Variants in EPM2AIP1 observed in about 807,000 individuals in gnomAD.
EPM2AIP1 encodes the protein EPM2A-interacting protein 1.
In EPM2AIP1, 23 loss-of-function variants were observed where a neutral mutation model predicts 44.8. The ratio of observed to expected loss-of-function variants is 0.51; its 90% CI spans 0.37 to 0.73. EPM2AIP1 has a LOEUF of 0.73. Among genes scored for constraint, EPM2AIP1 ranks in the 30% least tolerant of loss-of-function variants. The pLI is 0.00. For synonymous variants in EPM2AIP1, 311 were observed against 284.3 expected (o/e 1.09, Z -0.94); for missense variants, 652 against 743.9 (o/e 0.88, Z 1.44).
Position 36,992,159 on chromosome 3 carries a change from A to G in EPM2AIP1, c.919T>C (p.Leu307=). 1 of 1,614,068 alleles carries G rather than the reference A, an allele frequency of 6.2e-7. No homozygotes were observed. Among genetic ancestry groups the G allele is most frequent in the Non-Finnish European group, 8.5e-7 (1 of 1,179,900 alleles). The change falls in exon 1 of 1, where the codon TTG becomes CTG. Residue 307 remains leucine, a synonymous_variant. Coordinates refer to ENST00000322716, the MANE Select transcript of EPM2AIP1 (RefSeq NM_014805.4). The surrounding 1 kb of genome is among the most constrained non-coding windows in gnomAD (Gnocchi z 5.3). ...IINTISEWIV[L]IKTRGVRRPE... is the part of the protein sequence containing the mutation. ...CGCCTAACGCCTCTGGTCTTAATCA[A>G]AACTATCCATTCGGATATGGTATTT...
In EPM2AIP1 at chr3:36,989,195, G is replaced by A. The variant is rs1390860072; in HGVS notation, c.*2059C>T. 6.6e-6 allele frequency: 1 copy of A among 151,726 alleles called. No homozygotes were observed. Among genetic ancestry groups the A allele is most frequent in the Non-Finnish European group, 1.5e-5 (1 of 67,918 alleles). 9.4% of individuals were successfully genotyped at this position (151,726 alleles called of 1,614,324 possible). On this transcript the variant is annotated 3_prime_UTR_variant, in exon 1 of 1. Coordinates refer to ENST00000322716, the MANE Select transcript of EPM2AIP1 (RefSeq NM_014805.4). ...TTTAAGGAACTGGGGTTAGAAAGCA[G>A]AAGTGGCTTTCAGGTCTTCCAGTCT...
Position 36,991,501 on chromosome 3 carries a change from C to T in EPM2AIP1, c.1577G>A (p.Gly526Glu), listed in dbSNP as rs1447886089. The change falls in exon 1 of 1, where the codon GGG becomes GAG. Residue 526 changes from glycine to glutamate, a missense_variant. Physicochemically the swap from Gly to Glu is moderately conservative, Grantham distance 98 (BLOSUM62 -2). Coordinates refer to ENST00000322716, the MANE Select transcript of EPM2AIP1 (RefSeq NM_014805.4). ...LWNEYRIKDL[G>E]QFYAGLSAES... is the part of the protein sequence containing the mutation. ...AGCAGACAATCCAGCATAAAACTGC[C>T]CCAAGTCTTTGATTCTGTATTCATT... 1 of 1,613,824 alleles carries T rather than the reference C, an allele frequency of 6.2e-7. No homozygotes were observed. Among genetic ancestry groups the T allele is most frequent in the Admixed American group, 1.7e-5 (1 of 59,988 alleles).
chr3:36,987,715 C>T lies in EPM2AIP1; in HGVS notation c.*3539G>A, dbSNP rs1037562289. On this transcript the variant is annotated 3_prime_UTR_variant, in exon 1 of 1. Transcript: ENST00000322716. ...ACTACACTAAATTCTGAGAATACAACGAGGTCCCTAGTTACAAAGAACTTG... is the reference window on the plus strand; with the variant it reads ...ACTACACTAAATTCTGAGAATACAATGAGGTCCCTAGTTACAAAGAACTTG... 6.6e-5 allele frequency: 10 copies of T among 152,098 alleles called. No individual in the cohort carries two copies. Among genetic ancestry groups the T allele is most frequent in the African/African-American group, 1.9e-4 (8 of 41,416 alleles). 9.4% of individuals were successfully genotyped at this position (152,098 alleles called of 1,614,324 possible).
rs892016895 is a variant in EPM2AIP1 at position 36,988,254 on chromosome 3, G to C, written c.*3000C>G. On this transcript the variant is annotated 3_prime_UTR_variant, in exon 1 of 1. Transcript: ENST00000322716. ...AATAAAAAACAGGGAGACTAATAAGGAGGCTGTTGCTATAATTTAGGTAGG... is the reference window on the plus strand; with the variant it reads ...AATAAAAAACAGGGAGACTAATAAGCAGGCTGTTGCTATAATTTAGGTAGG... The C allele has an allele frequency of 6.6e-6, 1 of 152,206 alleles. No homozygotes were observed. Among genetic ancestry groups the C allele is most frequent in the African/African-American group, 2.4e-5 (1 of 41,448 alleles). The allele number at this position is 152,206 out of a possible 1,614,324, so 9.4% of individuals were successfully genotyped here.
In EPM2AIP1 at chr3:36,991,864, G is replaced by A; in HGVS notation, c.1214C>T (p.Ala405Val). The change falls in exon 1 of 1, where the codon GCT becomes GTT. Residue 405 changes from alanine (A) to valine (V), a missense_variant. By Grantham distance (64) the Ala-to-Val change is moderately conservative. Transcript: ENST00000322716. Reference protein sequence around the residue: ...SEELRVSKVFAAAAFDHICTF... With the variant: ...SEELRVSKVFVAAAFDHICTF... ...ACAAATATGGTCAAAGGCAGCAGCA[G>A]CAAAGACTTTACTAACTCGTAATTC... 1 of 1,613,882 alleles carries A rather than the reference G, an allele frequency of 6.2e-7. No homozygotes were observed. Among genetic ancestry groups the A allele is most frequent in the Non-Finnish European group, 8.5e-7 (1 of 1,179,870 alleles).
chr3:36,992,951 G>A lies in EPM2AIP1; in HGVS notation c.127C>T (p.Arg43Cys). 1 of 1,612,932 alleles carries A rather than the reference G, an allele frequency of 6.2e-7. No homozygotes were observed. The highest frequency in any genetic ancestry group is 8.5e-7 in the Non-Finnish European group (1 of 1,179,910). The change falls in exon 1 of 1, where the codon CGC (arginine) becomes TGC (cysteine). Residue 43 changes from arginine to cysteine, a missense_variant. Transcript: ENST00000322716. This position sits in a 1 kb window ranked among gnomAD's most constrained non-coding sequence, Gnocchi z 5.3. Reference sequence around the variant, plus strand: ...TCGCGGGTAGCTACGATGAGGCGGCGACAGACCAGGCACAGGGCCCCATCG... The same window carrying A: ...TCGCGGGTAGCTACGATGAGGCGGCAACAGACCAGGCACAGGGCCCCATCG... Reference protein sequence around the residue: ...EGDGALCLVCRRLIVATRERD... With the variant: ...EGDGALCLVCCRLIVATRERD...
Position 36,990,216 on chromosome 3 carries a change from TGTA to T in EPM2AIP1, c.*1035_*1037del, listed in dbSNP as rs1360434424. 1 of 158,726 alleles carries T rather than the reference TGTA, an allele frequency of 6.3e-6. No individual in the cohort carries two copies. Among genetic ancestry groups the T allele is most frequent in the African/African-American group, 2.4e-5 (1 of 41,558 alleles). The allele number at this position is 158,726 out of a possible 1,614,324, so 9.8% of individuals were successfully genotyped here. A position where few individuals can be genotyped will look rare whatever the true frequency, so the allele number is the denominator to read the frequency against. On this transcript the variant is annotated 3_prime_UTR_variant, in exon 1 of 1. Coordinates refer to ENST00000322716, the MANE Select transcript of EPM2AIP1 (RefSeq NM_014805.4). Reference sequence around the variant, plus strand: ...TGTGTGCTATCTTACATATAGAATGTGTACGACAGTTCCAAATTTTAGAATAAA... The same window carrying T: ...TGTGTGCTATCTTACATATAGAATGTCGACAGTTCCAAATTTTAGAATAAA...
At position 36,991,984 on chromosome 3, in the gene EPM2AIP1, A is replaced by G. The variant is rs2080817405; in HGVS notation, c.1094T>C (p.Val365Ala). ...RKEMEAFLVS[V>A]GATTVHFSDK... is the part of the protein sequence containing the mutation. Reference sequence around the variant, plus strand: ...TGAGAAGTGGACTGTTGTTGCCCCTACTGAAACCAAGAACGCTTCCATTTC... The same window carrying G: ...TGAGAAGTGGACTGTTGTTGCCCCTGCTGAAACCAAGAACGCTTCCATTTC... The change falls in exon 1 of 1, where the codon GTA (valine) becomes GCA (alanine). Residue 365 changes from valine to alanine, a missense_variant. Val to Ala is a moderately conservative substitution (Grantham distance 64). Coordinates refer to ENST00000322716, the MANE Select transcript of EPM2AIP1 (RefSeq NM_014805.4). The G allele has an allele frequency of 1.2e-6, 2 of 1,613,838 alleles. No individual in the cohort carries two copies. The highest frequency in any genetic ancestry group is 1.7e-5 in the Admixed American group (1 of 59,996).
In EPM2AIP1 at chr3:36,992,542, A is replaced by G; in HGVS notation, c.536T>C (p.Leu179Ser). ...ARDFKAYSLA[L>S]DDQAFVAYEN... ...ATAGGCCACAAAAGCCTGGTCGTCC[A>G]AGGCAAGAGAATAGGCTTTAAAGTC... is the stretch of plus-strand genomic sequence containing the variant. The change falls in exon 1 of 1, where the codon TTG (leucine) becomes TCG (serine). Residue 179 changes from leucine to serine, a missense_variant. Transcript: ENST00000322716. The surrounding 1 kb of genome is among the most constrained non-coding windows in gnomAD (Gnocchi z 5.3). 1 of 1,614,066 alleles carries G rather than the reference A, an allele frequency of 6.2e-7. No homozygotes were observed. Among genetic ancestry groups the G allele is most frequent in the Non-Finnish European group, 8.5e-7 (1 of 1,179,890 alleles).
chr3:36,992,842 T>A lies in EPM2AIP1; in HGVS notation c.236A>T (p.Glu79Val). The A allele has an allele frequency of 6.2e-7, 1 of 1,611,136 alleles. No individual in the cohort carries two copies. The highest frequency in any genetic ancestry group is 8.5e-7 in the Non-Finnish European group (1 of 1,179,476). ...VADGERAALVERLRQGDLPVA... is the reference protein window; with the variant it reads ...VADGERAALVVRLRQGDLPVA... ...GGGCAAGTCGCCCTGACGCAGACGC[T>A]CCACCAGGGCCGCGCGCTCGCCGTC... Residue 79 changes from glutamate (E) to valine (V), a missense_variant, in exon 1 of 1, where the codon GAG becomes GTG. Physicochemically the swap from Glu to Val is moderately radical, Grantham distance 121 (BLOSUM62 -2). Coordinates refer to ENST00000322716, the MANE Select transcript of EPM2AIP1 (RefSeq NM_014805.4). This position sits in a 1 kb window ranked among gnomAD's most constrained non-coding sequence, Gnocchi z 5.3.
Position 36,990,442 on chromosome 3 carries a change from T to TAA in EPM2AIP1, c.*810_*811dup, listed in dbSNP as rs201445268. The TAA allele has an allele frequency of 3.9e-3, 3,562 of 920,316 alleles. 120 individuals carry two copies. In the African/African-American group the frequency reaches 0.072, roughly 19 times the overall value. The allele number at this position is 920,316 out of a possible 1,614,324, so 57.0% of individuals were successfully genotyped here. A position where few individuals can be genotyped will look rare whatever the true frequency, so the allele number is the denominator to read the frequency against. ...GATAGGGCCAAACTTGTGTCTACAG[T>TAA]AAAAAAAAAAAAAAAAAGAATTACT... On this transcript the variant is annotated 3_prime_UTR_variant, in exon 1 of 1. Transcript: ENST00000322716.
In EPM2AIP1 at chr3:36,993,116, G is replaced by A. The variant is rs747319205; in HGVS notation, c.-39C>T. 5 of 1,559,830 alleles carry A rather than the reference G, an allele frequency of 3.2e-6. No homozygotes were observed. The highest frequency in any genetic ancestry group is 4.3e-6 in the Non-Finnish European group (5 of 1,151,536). On this transcript the variant is annotated 5_prime_UTR_variant, in exon 1 of 1. Transcript: ENST00000322716. ...ACAAGAGCAGGGCCAACGTTAGAAA[G>A]GCCGCAAGGGGAGAGGAGGAGCCTG...
At position 36,992,803 on chromosome 3, in the gene EPM2AIP1, G is replaced by A. The variant is rs779896666; in HGVS notation, c.275C>T (p.Thr92Ile). The change falls in exon 1 of 1, where the codon ACT becomes ATT. Residue 92 changes from threonine to isoleucine, a missense_variant. Transcript: ENST00000322716. This position sits in a 1 kb window ranked among gnomAD's most constrained non-coding sequence, Gnocchi z 5.3. ...RQGDLPVASFTPEERAARAGL... is the reference protein window; with the variant it reads ...RQGDLPVASFIPEERAARAGL... Reference sequence around the variant, plus strand: ...TGCACGAGCAGCTCTCTCTTCAGGAGTGAAGGAGGCCACGGGCAAGTCGCC... The same window carrying A: ...TGCACGAGCAGCTCTCTCTTCAGGAATGAAGGAGGCCACGGGCAAGTCGCC... 1.2e-6 allele frequency: 2 copies of A among 1,613,096 alleles called. No individual in the cohort carries two copies. The highest frequency in any genetic ancestry group is 1.7e-5 in the Admixed American group (1 of 60,032).
In EPM2AIP1 at chr3:36,986,701, G is replaced by A. The variant is rs1301230572; in HGVS notation, c.*4553C>T. The A allele has an allele frequency of 6.7e-6, 1 of 148,308 alleles. No homozygotes were observed. The highest frequency in any genetic ancestry group is 1.5e-5 in the Non-Finnish European group (1 of 67,484). 9.2% of individuals were successfully genotyped at this position (148,308 alleles called of 1,614,324 possible). On this transcript the variant is annotated 3_prime_UTR_variant, in exon 1 of 1. Coordinates refer to ENST00000322716, the MANE Select transcript of EPM2AIP1 (RefSeq NM_014805.4). ...GGAGGCTGCAGTGGGAGAATTGCTT[G>A]AGCCAGGAAGGCAGAGATTGCATTG...
chr3:36,991,549 A>T lies in EPM2AIP1; in HGVS notation c.1529T>A (p.Leu510His). The change falls in exon 1 of 1, where the codon CTT becomes CAT. Residue 510 changes from leucine (L) to histidine (H), a missense_variant. Physicochemically the swap from Leu to His is moderately conservative, Grantham distance 99. Coordinates refer to ENST00000322716, the MANE Select transcript of EPM2AIP1 (RefSeq NM_014805.4). ...PISVRVELTKLQANTNLWNEY... is the reference protein window; with the variant it reads ...PISVRVELTKHQANTNLWNEY... ...ATTCCAAAGATTAGTGTTTGCCTGA[A>T]GTTTTGTTAGCTCCACCCTCACTGA... 1 of 1,613,746 alleles carries T rather than the reference A, an allele frequency of 6.2e-7. No individual in the cohort carries two copies.
chr3:36,991,224 T>A lies in EPM2AIP1; in HGVS notation c.*30A>T. On this transcript the variant is annotated 3_prime_UTR_variant, in exon 1 of 1. Transcript: ENST00000322716. ...TTTTGCTTTTAGAATTAAATTCTTGTTGAGTTTTTCAATCTTGTACTACAA... is the reference window on the plus strand; with the variant it reads ...TTTTGCTTTTAGAATTAAATTCTTGATGAGTTTTTCAATCTTGTACTACAA... The A allele has an allele frequency of 2.0e-6, 3 of 1,515,892 alleles. No individual in the cohort carries two copies. The highest frequency in any genetic ancestry group is 2.7e-6 in the Non-Finnish European group (3 of 1,130,192). The allele number at this position is 1,515,892 out of a possible 1,614,324, so 93.9% of individuals were successfully genotyped here. A position where few individuals can be genotyped will look rare whatever the true frequency, so the allele number is the denominator to read the frequency against.
chr3:36,990,960 T>G lies in EPM2AIP1; in HGVS notation c.*294A>C. 9.5e-7 allele frequency: 1 copy of G among 1,053,422 alleles called. No individual in the cohort carries two copies. The highest frequency in any genetic ancestry group is 1.1e-6 in the Non-Finnish European group (1 of 872,994). The allele number at this position is 1,053,422 out of a possible 1,614,324, so 65.3% of individuals were successfully genotyped here. On this transcript the variant is annotated 3_prime_UTR_variant, in exon 1 of 1. Coordinates refer to ENST00000322716, the MANE Select transcript of EPM2AIP1 (RefSeq NM_014805.4). Reference sequence around the variant, plus strand: ...TCTTCAGAACACCTAAAAAACAGACTGCAAATTCAACTCACATTAATACTA... The same window carrying G: ...TCTTCAGAACACCTAAAAAACAGACGGCAAATTCAACTCACATTAATACTA...
chr3:36,990,881 T>C lies in EPM2AIP1; in HGVS notation c.*373A>G. On this transcript the variant is annotated 3_prime_UTR_variant, in exon 1 of 1. Coordinates refer to ENST00000322716, the MANE Select transcript of EPM2AIP1 (RefSeq NM_014805.4). ...AAGGAGTTGATAATTTAAGACTATA[T>C]GAATCAGAATTTTAACACTCCATTA... 1.0e-6 allele frequency: 1 copy of C among 995,532 alleles called. No homozygotes were observed. Among genetic ancestry groups the C allele is most frequent in the Non-Finnish European group, 1.2e-6 (1 of 835,642 alleles). 61.7% of individuals were successfully genotyped at this position (995,532 alleles called of 1,614,324 possible). A position where few individuals can be genotyped will look rare whatever the true frequency, so the allele number is the denominator to read the frequency against.
Position 36,987,306 on chromosome 3 carries a change from T to C in EPM2AIP1, c.*3948A>G, listed in dbSNP as rs554120728. ...TGCCTACAAAAGGAAAAATGATTAT[T>C]AACTCTTAGGCGGCATTATCTTTTT... On this transcript the variant is annotated 3_prime_UTR_variant, in exon 1 of 1. Coordinates refer to ENST00000322716, the MANE Select transcript of EPM2AIP1 (RefSeq NM_014805.4). 1.9e-4 allele frequency: 29 copies of C among 152,670 alleles called. No individual in the cohort carries two copies. Among genetic ancestry groups the C allele is most frequent in the African/African-American group, 7.0e-4 (29 of 41,566 alleles). 9.5% of individuals were successfully genotyped at this position (152,670 alleles called of 1,614,324 possible). A position where few individuals can be genotyped will look rare whatever the true frequency, so the allele number is the denominator to read the frequency against.
Sources: allele counts gnomAD v4.1 joint callset, GRCh38; gene constraint gnomAD v4.1.1; non-coding constraint Gnocchi (gnomAD v3.1); transcripts MANE v1.5; gene names NCBI Gene and HGNC (gene_info 2026-07-23, HGNC 2026-07-21).